The following CFAP61 variants were observed in gnomAD, a reference collection of about 807,000 sequenced individuals.
The protein encoded by CFAP61 is cilia- and flagella-associated protein 61.
In CFAP61, 107 loss-of-function variants were observed where a neutral mutation model predicts 135.6. The ratio of observed to expected loss-of-function variants is 0.79; its 90% CI spans 0.67 to 0.93. The LOEUF is 0.93. CFAP61 is among the 40% of genes least tolerant of loss of function. CFAP61 has a pLI of 0.00. For missense variants in CFAP61, 1,507 were observed against 1,556.2 expected (o/e 0.97, Z 0.53); for synonymous variants, 575 against 578.5 (o/e 0.99, Z 0.09).
intron 17 of CFAP61, among the ~76,000 whole-genome samples, chr20:20,205,354 G>A (rs1380713223): frequency 1.3e-5 from 2 of 152,116 alleles, no homozygotes; most frequent in African/African-American, 2.4e-5. Context: ...CAGGAGAGCA[G>A]GTAAATAACT....
intron 26 of CFAP61, among the ~76,000 whole-genome samples, chr20:20,348,895 G>C (rs75143692): frequency 1.3e-5 from 2 of 151,428 alleles, no homozygotes; most frequent in African/African-American, 4.8e-5. Context: ...ACTCAGTAAT[G>C]AATTACTGAA....
At chr20:20,096,500 A>T (rs2047580973) in intron 7 of CFAP61, among the ~76,000 whole-genome samples, 1 of 152,250 alleles carries the variant, frequency 6.6e-6, no homozygotes, top group Non-Finnish European at 1.5e-5. Flanking sequence ...GCTCATTACT[A>T]ACAGCGGTCT....
intron 8 of CFAP61, among the ~76,000 whole-genome samples, chr20:20,139,484 ATT>A (rs1391956310): frequency 3.9e-5 from 6 of 152,250 alleles, no homozygotes; most frequent in Non-Finnish European, 8.8e-5. Flanking sequence ...TAAAATAACA[ATT>A]AAATCGCGCA....
Position 20,115,848 on chromosome 20 carries a change from G to C in CFAP61, c.859+17034G>C, listed in dbSNP as rs149614432. Reference sequence around the variant, plus strand: ...CTTTATCCATTCATCCATTGATGGAGACTTAGCTTGATTCCATATTTTGGC... The same window carrying C: ...CTTTATCCATTCATCCATTGATGGACACTTAGCTTGATTCCATATTTTGGC... On this transcript the variant is annotated intron_variant, in intron 8 of 26. Coordinates refer to ENST00000245957, the MANE Select transcript of CFAP61 (RefSeq NM_015585.4). Among the ~76,000 whole-genome samples, 673 of 152,272 alleles carry C rather than the reference G, an allele frequency of 4.4e-3. 1 individual carries two copies. Among genetic ancestry groups the C allele is most frequent in the Admixed American group, 0.011 (175 of 15,288 alleles).
intron 7 of CFAP61, among the ~76,000 whole-genome samples, chr20:20,092,402 A>G (rs934478477): frequency 1.2e-4 from 18 of 152,308 alleles, no homozygotes; most frequent in African/African-American, 4.3e-4. Flanking sequence ...TTCTTCATCT[A>G]CTCATTTCTC....
chr20:20,196,843 C>T (rs1401922372), intron 16 of CFAP61, 67 bp downstream of exon 16: 24 of 1,319,410 alleles, frequency 1.8e-5, no homozygotes, highest in East Asian at 2.3e-5. Flanking sequence ...TGTTGTACGC[C>T]GCATTCTATT....
chr20:20,266,868 A>G (rs1218314638), intron 21 of CFAP61, among the ~76,000 whole-genome samples: 1 of 152,192 alleles, frequency 6.6e-6, no homozygotes, highest in African/African-American at 2.4e-5. Context: ...TGAGAGGGTG[A>G]AAAGAGATAA....
chr20:20,244,655 C>T (rs1569183247), intron 18 of CFAP61, among the ~76,000 whole-genome samples: 1 of 152,338 alleles, frequency 6.6e-6, no homozygotes. Flanking sequence ...GCCCTGGAGA[C>T]ATTTTTTCCA....
At chr20:20,190,529 T>C (rs2055845832) in intron 14 of CFAP61, among the ~76,000 whole-genome samples, 1 of 152,138 alleles carries the variant, frequency 6.6e-6, no homozygotes, top group African/African-American at 2.4e-5. Flanking sequence ...ATTCTGACTA[T>C]AGTGGTGGAT....
intron 6 of CFAP61, chr20:20,085,391 A>T (rs1568864188): frequency 7.4e-7 from 1 of 1,354,476 alleles, no homozygotes; most frequent in Non-Finnish European, 9.8e-7. Context: ...CTGATGCAAG[A>T]TCATAAATTA....
chr20:20,246,292 T>G, intron 19 of CFAP61, 77 bp downstream of exon 19: 1 of 925,460 alleles, frequency 1.1e-6, no homozygotes, highest in South Asian at 1.4e-5. Flanking sequence ...TGCTAAATAG[T>G]AGATTTCAGA....
chr20:20,053,698 A>G (rs975979848), intron 1 of CFAP61, among the ~76,000 whole-genome samples: 1 of 152,218 alleles, frequency 6.6e-6, no homozygotes, highest in Non-Finnish European at 1.5e-5. Context: ...TATTTGCCAT[A>G]ACTCTTTATT....
chr20:20,074,424 T>C, intron 4 of CFAP61, 46 bp downstream of exon 4: 2 of 1,486,662 alleles, frequency 1.3e-6, no homozygotes, highest in Non-Finnish European at 1.9e-6. Context: ...AGAGACTGTG[T>C]GGATAGTTTT....
chr20:20,268,274 C>A (rs1447058543), intron 21 of CFAP61, among the ~76,000 whole-genome samples: 2 of 152,158 alleles, frequency 1.3e-5, no homozygotes, highest in African/African-American at 4.8e-5. Context: ...CTCCGGGAAC[C>A]ACACCCTGAA....
intron 10 of CFAP61, among the ~76,000 whole-genome samples, chr20:20,163,821 GT>G: frequency 6.6e-6 from 1 of 150,724 alleles, no homozygotes; most frequent in Non-Finnish European, 1.5e-5. Context: ...CCCTCCCTGT[GT>G]CCATGTGTTC....
chr20:20,332,671 C>G (rs751467889), intron 25 of CFAP61, among the ~76,000 whole-genome samples: 1 of 152,164 alleles, frequency 6.6e-6, no homozygotes, highest in Non-Finnish European at 1.5e-5. Context: ...GGCTTGAGTT[C>G]TGTGGCATGA....
At chr20:20,091,116 G>A (rs1490610279) in intron 7 of CFAP61, 140 bp downstream of exon 7, 1 of 931,366 alleles carries the variant, frequency 1.1e-6, no homozygotes, top group Non-Finnish European at 1.7e-6. Context: ...CCTTCCAGGT[G>A]GTGCACCAGG....
intron 25 of CFAP61, among the ~76,000 whole-genome samples, chr20:20,338,502 T>G (rs140826477): frequency 6.8e-4 from 103 of 152,322 alleles, no homozygotes; most frequent in African/African-American, 2.4e-3. Context: ...GCCACCCGCC[T>G]CCTCCTTGCC....
rs1378135014 is a variant in CFAP61 at position 20,090,983 on chromosome 20, G to A, written c.699+7G>A. 6.2e-7 allele frequency: 1 copy of A among 1,614,036 alleles called. No individual in the cohort carries two copies. The highest frequency in any genetic ancestry group is 8.5e-7 in the Non-Finnish European group (1 of 1,179,950). Reference sequence around the variant, plus strand: ...TCATGCTGTTGTGTGTGAGGTCAGTGACTGATTCATGTGGGAACACACTTA... The same window carrying A: ...TCATGCTGTTGTGTGTGAGGTCAGTAACTGATTCATGTGGGAACACACTTA... On this transcript the variant is annotated splice_region_variant and intron_variant, in intron 7 of 26. Transcript: ENST00000245957.
Sources: gnomAD v4.1 joint callset for allele counts (sites outside exome capture counted in the v4.1 genomes callset) on GRCh38, gnomAD v4.1.1 for gene constraint, MANE v1.5 for transcripts, NCBI Gene and HGNC (gene_info 2026-07-23, HGNC 2026-07-21) for gene names.